Variants in ZBBX observed in about 807,000 individuals in gnomAD.
ZBBX encodes the protein zinc finger B-box domain-containing protein 1.
In ZBBX, 101 loss-of-function variants were observed where a neutral mutation model predicts 108.5. The ratio of observed to expected loss-of-function variants is 0.93; its 90% CI spans 0.79 to 1.10. ZBBX has a LOEUF of 1.10. Among genes scored for constraint, ZBBX ranks in the 50% least tolerant of loss-of-function variants. ZBBX has a pLI of 0.00. For synonymous variants in ZBBX, 356 were observed against 323.4 expected, an observed-to-expected ratio of 1.10 and a Z score of -1.08; for missense variants, 1,009 against 941.4, an observed-to-expected ratio of 1.07 and a Z score of -0.94.
upstream of ZBBX, among the ~76,000 whole-genome samples, chr3:167,383,522 TAA>T (rs1747812025): frequency 6.6e-6 from 1 of 152,110 alleles, no homozygotes; most frequent in Admixed American, 6.6e-5. Flanking sequence ...AACTTAGAGT[TAA>T]GAGGTGACAT....
intron 7 of ZBBX, 75 bp downstream of exon 7, chr3:167,360,594 AAACTTT>A (rs1238192676): frequency 3.5e-6 from 3 of 859,144 alleles, no homozygotes; most frequent in East Asian, 6.2e-5. Flanking sequence ...GACAATTCTA[AAACTTT>A]AACTTTATTT....
intron 20 of ZBBX, among the ~76,000 whole-genome samples, chr3:167,256,499 A>ATGTACATTTTAAATGTAC (rs1560031371): frequency 6.6e-6 from 1 of 152,094 alleles, no homozygotes; most frequent in African/African-American, 2.4e-5. Context: ...TGTACAATTA[A>ATGTACATTTTAAATGTAC]AGTTATTATT....
intron 1 of ZBBX, among the ~76,000 whole-genome samples, chr3:167,394,923 G>A (rs1462551746): frequency 6.6e-6 from 1 of 152,012 alleles, no homozygotes; most frequent in South Asian, 2.1e-4. Flanking sequence ...CCTGATGGAA[G>A]GACAAATTAG....
intron 8 of ZBBX, among the ~76,000 whole-genome samples, chr3:167,355,608 C>T (rs1164480093): frequency 6.6e-6 from 1 of 151,528 alleles, no homozygotes; most frequent in Non-Finnish European, 1.5e-5. Context: ...ATGTGGCTTT[C>T]AAATATATAT....
At chr3:167,295,072 G>C (rs1189043473) in intron 18 of ZBBX, among the ~76,000 whole-genome samples, 1 of 152,192 alleles carries the variant, frequency 6.6e-6, no homozygotes, top group Admixed American at 6.5e-5. Flanking sequence ...GGAGAAAGAG[G>C]AATCCTTTTA....
Position 167,248,244 on chromosome 3 carries a change from G to A in ZBBX, c.2255-5601C>T, listed in dbSNP as rs1230718125. Among the ~76,000 whole-genome samples, 7 of 152,214 alleles carry A rather than the reference G, an allele frequency of 4.6e-5. 1 individual carries two copies. In the South Asian group the frequency reaches 1.0e-3, roughly 23 times the overall value. Reference sequence around the variant, plus strand: ...ACGAGTGGGTATGGAACAAAGCTGCGACGGTAACCATGACCCCACAGGGTC... The same window carrying A: ...ACGAGTGGGTATGGAACAAAGCTGCAACGGTAACCATGACCCCACAGGGTC... On this transcript the variant is annotated intron_variant, in intron 20 of 21. Coordinates refer to ENST00000675490, the MANE Select transcript of ZBBX (RefSeq NM_001199201.2).
At chr3:167,395,726 A>G (rs1003161491) in intron 1 of ZBBX, among the ~76,000 whole-genome samples, 7 of 152,010 alleles carry the variant, frequency 4.6e-5, no homozygotes, top group Non-Finnish European at 8.8e-5. Context: ...ATACGGATTG[A>G]AGGCTGAGGG....
the ZBBX span, among the ~76,000 whole-genome samples, chr3:167,231,953 T>G: frequency 0.013 from 2,029 of 151,918 alleles, 22 homozygotes; most frequent in South Asian, 0.026. Context: ...AGAAAGTGAA[T>G]CATTTTTACT....
In ZBBX at chr3:167,388,592, A is replaced by G. The variant is rs1188563779; in HGVS notation, c.-445-8187T>C. On this transcript the variant is annotated intron_variant, in intron 1 of 21. Coordinates refer to the ZBBX transcript ENST00000455345. The stretch of plus-strand genomic sequence containing the variant: ...GATGGCTACTATGACACGATCCGAC[A>G]TAGCAATAGATTAAACAAAATAAAC... 2.6e-5 allele frequency among the ~76,000 whole-genome samples: 4 copies of G among 152,060 alleles called. No individual in the cohort carries two copies. In the South Asian group the frequency reaches 8.3e-4, roughly 32 times the overall value.
At chr3:167,315,885 T>G in intron 14 of ZBBX, 56 bp from the exon 15 acceptor site, 2 of 1,097,252 alleles carry the variant, frequency 1.8e-6, no homozygotes, top group Middle Eastern at 3.0e-4. Flanking sequence ...TATTACACAT[T>G]AACCAACTTA....
intron 1 of ZBBX, chr3:167,399,567 G>A (rs1359819865): frequency 6.6e-6 from 1 of 152,144 alleles, no homozygotes; most frequent in Non-Finnish European, 1.5e-5. Flanking sequence ...GTATAAGCCA[G>A]AGTTTCACAG....
chr3:167,401,462 T>G (rs1748421646), intron 1 of ZBBX: 2 of 152,152 alleles, frequency 1.3e-5, no homozygotes, highest in Non-Finnish European at 2.9e-5. Context: ...AAAAAATGGC[T>G]ACCCTATAGA....
intron 8 of ZBBX, among the ~76,000 whole-genome samples, chr3:167,359,422 C>A (rs952474409): frequency 4.6e-5 from 7 of 151,882 alleles, no homozygotes; most frequent in African/African-American, 9.7e-5. Context: ...GTAAATTATG[C>A]CTCAATATTA....
At chr3:167,376,514 T>C (rs1157958327) in intron 2 of ZBBX, among the ~76,000 whole-genome samples, 7 of 152,318 alleles carry the variant, frequency 4.6e-5, no homozygotes, top group Non-Finnish European at 1.0e-4. Flanking sequence ...ATAATCTAAA[T>C]TGCTATAATT....
At chr3:167,244,798 C>T (rs114066744) in intron 20 of ZBBX, among the ~76,000 whole-genome samples, 1 of 152,002 alleles carries the variant, frequency 6.6e-6, no homozygotes. Context: ...ATAGTTAAAC[C>T]TTTTCTATCC....
chr3:167,347,245 T>C (rs1406980220), intron 9 of ZBBX, among the ~76,000 whole-genome samples: 3 of 151,990 alleles, frequency 2.0e-5, no homozygotes, highest in African/African-American at 7.2e-5. Flanking sequence ...TACAAACATG[T>C]ACATGATGTT....
At chr3:167,193,508 C>A in the ZBBX span, among the ~76,000 whole-genome samples, 2 of 152,088 alleles carry the variant, frequency 1.3e-5, no homozygotes, top group Admixed American at 6.6e-5. Context: ...TCTTATGCTT[C>A]TATTGAGATT....
chr3:167,375,226 T>C (rs1417022151), intron 2 of ZBBX, among the ~76,000 whole-genome samples: 3 of 152,296 alleles, frequency 2.0e-5, no homozygotes, highest in East Asian at 1.9e-4. Flanking sequence ...TTTGGGAGAC[T>C]ATCTTATATT....
chr3:167,229,689 G>A, the ZBBX span, among the ~76,000 whole-genome samples: 2 of 151,594 alleles, frequency 1.3e-5, no homozygotes, highest in Non-Finnish European at 1.5e-5. Flanking sequence ...TTCTACCTCT[G>A]GAAGAAAAAT....
Sources: gnomAD v4.1 joint callset for allele counts (sites outside exome capture counted in the v4.1 genomes callset) on GRCh38, gnomAD v4.1.1 for gene constraint, MANE v1.5 for transcripts, NCBI Gene and HGNC (gene_info 2026-07-23, HGNC 2026-07-21) for gene names.